Variants in TBC1D5 observed in about 807,000 individuals in gnomAD.
TBC1D5 encodes the protein TBC1 domain family member 5, also known as TBC1 domain family, member 5.
TBC1D5 carries 75 observed loss-of-function variants against 100.3 expected under a neutral mutation model. That is an observed-to-expected ratio of 0.75 (90% CI 0.62 to 0.91). The LOEUF is 0.91. Among genes scored for constraint, TBC1D5 ranks in the 40% least tolerant of loss-of-function variants. The probability of loss-of-function intolerance (pLI) is 0.00; values close to 1 mark genes in which losing one functional copy is unlikely to be tolerated. For synonymous variants in TBC1D5, 323 were observed against 325.6 expected (o/e 0.99, Z 0.09); for missense variants, 910 against 942.4 (o/e 0.97, Z 0.45).
intron 16 of TBC1D5, among the ~76,000 whole-genome samples, chr3:17,242,933 T>C (rs973682586): frequency 1.3e-5 from 2 of 152,152 alleles, no homozygotes; most frequent in African/African-American, 4.8e-5. Flanking sequence ...TTACTTCTCA[T>C]CTGATAGTGT....
intron 2 of TBC1D5, chr3:17,546,893 G>C (rs2096421880): frequency 6.6e-6 from 1 of 151,920 alleles, no homozygotes; most frequent in Non-Finnish European, 1.5e-5. Context: ...TTATTAATGT[G>C]CAAAATAATA....
At chr3:17,609,438 C>A (rs1444908921) in intron 2 of TBC1D5, among the ~76,000 whole-genome samples, 1 of 152,156 alleles carries the variant, frequency 6.6e-6, no homozygotes, top group Non-Finnish European at 1.5e-5. Context: ...TAACCAGGAC[C>A]TCTTTCCTAA....
At chr3:17,372,092 T>C (rs974671919) in exon 13 of TBC1D5, 4 of 1,611,322 alleles carry the variant, frequency 2.5e-6, no homozygotes, top group Non-Finnish European at 3.4e-6. Flanking sequence ...ATATCTGTGG[T>C]GCAATTTCTA....
intron 1 of TBC1D5, among the ~76,000 whole-genome samples, chr3:17,722,091 G>T (rs115974987): frequency 6.6e-6 from 1 of 152,172 alleles, no homozygotes; most frequent in Non-Finnish European, 1.5e-5. Flanking sequence ...CAAATCAACA[G>T]GTAAAGCCTT....
At chr3:17,422,250 C>A (rs1339209340) in intron 4 of TBC1D5, among the ~76,000 whole-genome samples, 1 of 152,078 alleles carries the variant, frequency 6.6e-6, no homozygotes, top group Admixed American at 6.6e-5. Flanking sequence ...CTCACTGCAA[C>A]CTCCGCCTCC....
At chr3:17,427,534 T>C (rs1329427797) in intron 4 of TBC1D5, among the ~76,000 whole-genome samples, 2 of 151,922 alleles carry the variant, frequency 1.3e-5, no homozygotes, top group East Asian at 1.9e-4. Flanking sequence ...ATATTTATTA[T>C]AGAAAAGAAG....
intron 1 of TBC1D5, among the ~76,000 whole-genome samples, chr3:17,686,277 C>T (rs371517294): frequency 3.4e-4 from 51 of 152,176 alleles, no homozygotes; most frequent in African/African-American, 8.7e-4. Context: ...CATAAATCAG[C>T]CTTCATTTAA....
chr3:17,686,398 A>G (rs889062098), intron 1 of TBC1D5, among the ~76,000 whole-genome samples: 4 of 152,182 alleles, frequency 2.6e-5, no homozygotes, highest in African/African-American at 9.6e-5. Flanking sequence ...GGTTTTTGAC[A>G]CACTGAAGGG....
chr3:17,395,034 T>C (rs2093462070), intron 8 of TBC1D5, among the ~76,000 whole-genome samples: 1 of 151,596 alleles, frequency 6.6e-6, no homozygotes, highest in South Asian at 2.1e-4. Context: ...AAGAGGCTAA[T>C]AAGGAAGGTG....
intron 1 of TBC1D5, among the ~76,000 whole-genome samples, chr3:17,693,386 G>A (rs1162584010): frequency 2.0e-5 from 3 of 152,166 alleles, no homozygotes; most frequent in Admixed American, 6.5e-5. Flanking sequence ...CCCAAAAACT[G>A]CGCTTTGCTC....
At chr3:17,593,802 T>C (rs1201057353) in intron 2 of TBC1D5, among the ~76,000 whole-genome samples, 1 of 152,218 alleles carries the variant, frequency 6.6e-6, no homozygotes, top group Non-Finnish European at 1.5e-5. Flanking sequence ...AATGGCCTTT[T>C]GAAGTCACAA....
rs374004650 is a variant in TBC1D5, at chr3:17,337,678, C to T, written c.996-29544G>A. On this transcript the variant is annotated intron_variant, in intron 13 of 21. Coordinates refer to ENST00000253692, the Ensembl canonical transcript of TBC1D5. ...ATAAACCTGAAGTTTAAATAAAGAA[C>T]ACAATTTTATTTTCTTTAAAGCAGA... The T allele has an allele frequency of 3.9e-5, 6 of 152,058 alleles. No homozygotes were observed. In the South Asian group the frequency reaches 1.0e-3, roughly 26 times the overall value. The allele number at this position is 152,058 out of a possible 1,614,324, so 9.4% of individuals were successfully genotyped here.
chr3:17,231,149 C>A (rs2075383469), intron 17 of TBC1D5, among the ~76,000 whole-genome samples: 1 of 152,066 alleles, frequency 6.6e-6, no homozygotes, highest in Admixed American at 6.6e-5. Context: ...TTAAAAATAA[C>A]ATATGTCTTG....
chr3:17,406,491 T>C lies in TBC1D5; in HGVS notation c.203A>G (p.Tyr68Cys), dbSNP rs748094078. Residue 68 changes from tyrosine (Y) to cysteine (C), a missense_variant, in exon 5 of 22, where the codon TAC (tyrosine) becomes TGC (cysteine). Tyr to Cys is a radical substitution (Grantham distance 194, BLOSUM62 -2). Transcript: ENST00000253692. ...CCCCTTCTGCCTTATTGTTGCCAAG[T>C]AATTGTTGTTTACAAATAGTTCTTC... 2 of 1,612,106 alleles carry C rather than the reference T, an allele frequency of 1.2e-6. No individual in the cohort carries two copies. Among genetic ancestry groups the C allele is most frequent in the Non-Finnish European group, 1.7e-6 (2 of 1,179,036 alleles).
At chr3:17,241,846 T>C (rs2076331744) in intron 16 of TBC1D5, among the ~76,000 whole-genome samples, 1 of 152,202 alleles carries the variant, frequency 6.6e-6, no homozygotes, top group African/African-American at 2.4e-5. Context: ...GTTGCAAGTA[T>C]ACTAGGATAT....
In TBC1D5 at chr3:17,215,150, G is replaced by A. The variant is rs115646231; in HGVS notation, c.1589-780C>T. 9.1e-3 allele frequency among the ~76,000 whole-genome samples: 1,390 copies of A among 152,158 alleles called. 23 individuals are homozygous for A. The highest frequency in any genetic ancestry group is 0.031 in the African/African-American group (1,297 of 41,486). ...TTTGAGGAGAGGAGTGACATGATTTGACTTACATTTTAAAAGGATTGCTCT... is the reference window on the plus strand; with the variant it reads ...TTTGAGGAGAGGAGTGACATGATTTAACTTACATTTTAAAAGGATTGCTCT... On this transcript the variant is annotated intron_variant, in intron 17 of 21. Transcript: ENST00000253692.
intron 13 of TBC1D5, among the ~76,000 whole-genome samples, chr3:17,347,582 C>G (rs1260681885): frequency 6.6e-6 from 1 of 151,622 alleles, no homozygotes; most frequent in African/African-American, 2.4e-5. Flanking sequence ...ATAAACATGC[C>G]TCACTTTCTT....
At chr3:17,177,865 C>T (rs1253294587) in intron 19 of TBC1D5, among the ~76,000 whole-genome samples, 1 of 152,100 alleles carries the variant, frequency 6.6e-6, no homozygotes, top group Non-Finnish European at 1.5e-5. Flanking sequence ...ATCTCCATCA[C>T]CTCAAGCATT....
At chr3:17,254,170 C>T (rs1472865837) in intron 16 of TBC1D5, among the ~76,000 whole-genome samples, 5 of 152,206 alleles carry the variant, frequency 3.3e-5, no homozygotes, top group Non-Finnish European at 7.3e-5. Context: ...TGTGAATATT[C>T]TGTTTCAATG....
Sources: allele counts gnomAD v4.1 joint callset (sites outside exome capture counted in the v4.1 genomes callset), GRCh38; gene constraint gnomAD v4.1.1; transcripts MANE v1.5; gene names NCBI Gene and HGNC (gene_info 2026-07-23, HGNC 2026-07-21).